Variants in KLF12 observed in about 807,000 individuals in gnomAD.
The protein encoded by KLF12 is KLF transcription factor 12, also known as Krueppel-like factor 12.
KLF12 carries 9 observed loss-of-function variants against 37.8 expected under a neutral mutation model. The observed-to-expected ratio is 0.24, with a 90% CI of 0.14 to 0.42. The LOEUF (loss-of-function observed/expected upper bound fraction) is 0.42, where lower values mean the gene tolerates loss of function less well. KLF12 is among the 10% of genes least tolerant of loss of function. The probability of loss-of-function intolerance (pLI) is 1.00; values close to 1 mark genes in which losing one functional copy is unlikely to be tolerated. For synonymous variants in KLF12, 208 were observed against 202.1 expected, an observed-to-expected ratio of 1.03 and a Z score of -0.25; for missense variants, 411 against 516.0, an observed-to-expected ratio of 0.80 and a Z score of 1.97.
the KLF12 span, among the ~76,000 whole-genome samples, chr13:74,153,082 G>A: frequency 6.6e-6 from 1 of 151,840 alleles, no homozygotes; most frequent in Non-Finnish European, 1.5e-5. Context: ...TATATGTTGG[G>A]TTTAATTTTC....
At chr13:74,261,610 A>T in the KLF12 span, among the ~76,000 whole-genome samples, 89 of 152,360 alleles carry the variant, frequency 5.8e-4, no homozygotes, top group African/African-American at 2.1e-3. Context: ...GTATATAAAC[A>T]CATACACAAC....
intron 6 of KLF12, among the ~76,000 whole-genome samples, chr13:73,717,621 C>G (rs1410742858): frequency 6.6e-6 from 1 of 152,156 alleles, no homozygotes; most frequent in African/African-American, 2.4e-5. Context: ...GTGTCTCAAA[C>G]AGTTTTATGC....
rs1873831256 is a variant in KLF12 at position 73,691,670 on chromosome 13, T to C, written c.*3820A>G. 6.6e-6 allele frequency: 1 copy of C among 152,624 alleles called. No individual in the cohort carries two copies. Among genetic ancestry groups the C allele is most frequent in the South Asian group, 2.1e-4 (1 of 4,830 alleles). 9.5% of individuals were successfully genotyped at this position (152,624 alleles called of 1,614,324 possible). A position where few individuals can be genotyped will look rare whatever the true frequency, so the allele number is the denominator to read the frequency against. On this transcript the variant is annotated 3_prime_UTR_variant, in exon 8 of 8. Transcript: ENST00000377669. ...ACATAACAAAGGCGTATTAATACAT[T>C]TTGAAGGCCTCACCTCACCAGATTT...
intron 6 of KLF12, among the ~76,000 whole-genome samples, chr13:73,729,970 C>A (rs1876941760): frequency 6.6e-6 from 1 of 152,052 alleles, no homozygotes; most frequent in Non-Finnish European, 1.5e-5. Context: ...GCCTCCTTCC[C>A]AGCCCCCTCC....
intron 4 of KLF12, among the ~76,000 whole-genome samples, chr13:73,830,205 C>G (rs921403611): frequency 1.3e-5 from 2 of 152,182 alleles, no homozygotes; most frequent in Non-Finnish European, 2.9e-5. Flanking sequence ...AGTGAGCACT[C>G]ATTTGTTAGA....
chr13:73,916,829 T>C (rs1229780332), intron 3 of KLF12, among the ~76,000 whole-genome samples: 1 of 152,198 alleles, frequency 6.6e-6, no homozygotes, highest in Non-Finnish European at 1.5e-5. Context: ...AATTGGGATG[T>C]CTGCATCTTC....
At chr13:74,185,034 G>C in the KLF12 span, among the ~76,000 whole-genome samples, 1 of 152,070 alleles carries the variant, frequency 6.6e-6, no homozygotes, top group Non-Finnish European at 1.5e-5. Context: ...CTTTAAATCA[G>C]GTACTGGTGG....
At chr13:74,304,532 T>C in the KLF12 span, among the ~76,000 whole-genome samples, 2 of 152,180 alleles carry the variant, frequency 1.3e-5, no homozygotes, top group Non-Finnish European at 2.9e-5. Flanking sequence ...GTTTATATTA[T>C]GCTAATATAT....
At chr13:73,915,457 G>A (rs146844028) in intron 3 of KLF12, among the ~76,000 whole-genome samples, 2 of 151,656 alleles carry the variant, frequency 1.3e-5, no homozygotes, top group East Asian at 3.9e-4. Context: ...CACACAAGAC[G>A]TTACACCCTT....
intron 2 of KLF12, among the ~76,000 whole-genome samples, chr13:73,992,566 G>C (rs1891997530): frequency 1.3e-5 from 2 of 152,026 alleles, no homozygotes; most frequent in African/African-American, 4.8e-5. Flanking sequence ...TCCCAAGTAG[G>C]CTATTTAAAT....
chr13:74,103,575 A>C (rs763387667), intron 1 of KLF12, among the ~76,000 whole-genome samples: 2 of 152,146 alleles, frequency 1.3e-5, no homozygotes, highest in African/African-American at 2.4e-5. Context: ...CGCAAACTCC[A>C]TATCTTCGGT....
chr13:74,083,407 T>A (rs538180682), intron 1 of KLF12, among the ~76,000 whole-genome samples: 1 of 151,656 alleles, frequency 6.6e-6, no homozygotes, highest in African/African-American at 2.4e-5. Flanking sequence ...CTCAACAGGC[T>A]GAGGTGGGAG....
chr13:74,262,263 A>C, the KLF12 span, among the ~76,000 whole-genome samples: 1 of 152,228 alleles, frequency 6.6e-6, no homozygotes, highest in Admixed American at 6.5e-5. Context: ...GAAAGGCATC[A>C]CTCATAATTG....
At chr13:74,260,573 A>AG in the KLF12 span, among the ~76,000 whole-genome samples, 2 of 75,816 alleles carry the variant, frequency 2.6e-5, no homozygotes, top group African/African-American at 2.7e-4. Context: ...ATAAAATAAA[A>AG]TAAATAAAAT....
chr13:73,890,514 G>T lies in KLF12; in HGVS notation c.124-44141C>A, dbSNP rs181480358. Among the ~76,000 whole-genome samples, 432 of 152,134 alleles carry T rather than the reference G, an allele frequency of 2.8e-3. 2 individuals are homozygous for T. The highest frequency in any genetic ancestry group is 0.02 in the South Asian group (97 of 4,824). On this transcript the variant is annotated intron_variant, in intron 3 of 7. Coordinates refer to ENST00000377669, the MANE Select transcript of KLF12 (RefSeq NM_007249.5). ...TAATTTTAAACGATAATGATTGGGG[G>T]AAATCATTTTAATTTTCTAGTGAAA...
At chr13:74,038,177 T>C (rs1893308247) in intron 1 of KLF12, among the ~76,000 whole-genome samples, 1 of 152,180 alleles carries the variant, frequency 6.6e-6, no homozygotes, top group African/African-American at 2.4e-5. Context: ...TCATGTAAGA[T>C]GCTACCAGTG....
chr13:74,172,735 T>C, the KLF12 span, among the ~76,000 whole-genome samples: 1 of 152,144 alleles, frequency 6.6e-6, no homozygotes, highest in Non-Finnish European at 1.5e-5. Context: ...CCACAGGCAA[T>C]TGGAATGAGA....
chr13:73,764,268 T>C (rs1185531214), intron 6 of KLF12, among the ~76,000 whole-genome samples: 1 of 152,162 alleles, frequency 6.6e-6, no homozygotes, highest in African/African-American at 2.4e-5. Flanking sequence ...CTTTGTGGAA[T>C]GGAGTAATAT....
At chr13:73,813,318 A>G in intron 4 of KLF12, 31 bp from the exon 5 acceptor site, 1 of 1,612,748 alleles carries the variant, frequency 6.2e-7, no homozygotes. Context: ...TAATGAATTA[A>G]AATCAGTGCG....
Sources: gnomAD v4.1 joint callset for allele counts (sites outside exome capture counted in the v4.1 genomes callset) on GRCh38, gnomAD v4.1.1 for gene constraint, MANE v1.5 for transcripts, NCBI Gene and HGNC (gene_info 2026-07-23, HGNC 2026-07-21) for gene names.